The following LRRTM3 variants were observed in gnomAD, a reference collection of about 807,000 sequenced individuals.
LRRTM3 encodes leucine rich repeat transmembrane neuronal 3, also known as leucine-rich repeat transmembrane neuronal protein 3.
LRRTM3 carries 24 observed loss-of-function variants against 44.7 expected under a neutral mutation model. The ratio of observed to expected loss-of-function variants is 0.54; its 90% CI spans 0.39 to 0.76. LRRTM3 has a LOEUF of 0.76. Ranked by LOEUF, LRRTM3 falls within the 30% of genes least tolerant of loss-of-function variation. LRRTM3 has a pLI of 0.00. For missense variants in LRRTM3, 587 were observed against 702.2 expected, an observed-to-expected ratio of 0.84 and a Z score of 1.85; for synonymous variants, 277 against 278.7, an observed-to-expected ratio of 0.99 and a Z score of 0.06.
intron 2 of LRRTM3, among the ~76,000 whole-genome samples, chr10:67,046,214 A>T (rs1854733792): frequency 6.6e-6 from 1 of 152,036 alleles, no homozygotes; most frequent in South Asian, 2.1e-4. Context: ...CAATTTAAAG[A>T]CCCCGTGTCA....
At chr10:67,083,040 G>A (rs1029129800) in intron 2 of LRRTM3, among the ~76,000 whole-genome samples, 2 of 152,140 alleles carry the variant, frequency 1.3e-5, no homozygotes, top group African/African-American at 4.8e-5. Flanking sequence ...AAAAAAGCAG[G>A]TGTTCACCTA....
intron 2 of LRRTM3, among the ~76,000 whole-genome samples, chr10:67,032,527 G>T (rs1304895870): frequency 6.6e-6 from 1 of 152,132 alleles, no homozygotes; most frequent in Non-Finnish European, 1.5e-5. Context: ...CACAAATCAG[G>T]TAAAAATACT....
At chr10:67,076,994 T>A (rs996071665) in intron 2 of LRRTM3, among the ~76,000 whole-genome samples, 1 of 152,162 alleles carries the variant, frequency 6.6e-6, no homozygotes, top group African/African-American at 2.4e-5. Flanking sequence ...ACTTGCATTG[T>A]CTCTTGTTTC....
chr10:67,035,431 A>G (rs1853984472), intron 2 of LRRTM3, among the ~76,000 whole-genome samples: 1 of 152,170 alleles, frequency 6.6e-6, no homozygotes, highest in Non-Finnish European at 1.5e-5. Flanking sequence ...GTTCCTTTGA[A>G]GTTGTTGCTC....
At chr10:67,090,737 C>T (rs1461165708) in intron 2 of LRRTM3, among the ~76,000 whole-genome samples, 1 of 151,970 alleles carries the variant, frequency 6.6e-6, no homozygotes, top group Non-Finnish European at 1.5e-5. Context: ...GTGTCCAGGC[C>T]ACGCATCAAC....
chr10:67,061,979 C>T lies in LRRTM3; in HGVS notation c.1537-35608C>T, dbSNP rs577720944. Among the ~76,000 whole-genome samples the T allele has an allele frequency of 9.3e-4, 142 of 152,184 alleles. 1 individual carries two copies. Among genetic ancestry groups the T allele is most frequent in the African/African-American group, 3.2e-3 (132 of 41,540 alleles). On this transcript the variant is annotated intron_variant, in intron 2 of 2. Coordinates refer to ENST00000361320, the MANE Select transcript of LRRTM3 (RefSeq NM_178011.5). ...AAAAATCAATCTTAGGAAATAGCCACCCACACATTTTTCAACCTACTTCCC... is the reference window on the plus strand; with the variant it reads ...AAAAATCAATCTTAGGAAATAGCCATCCACACATTTTTCAACCTACTTCCC...
At chr10:67,067,826 C>T (rs917681975) in intron 2 of LRRTM3, among the ~76,000 whole-genome samples, 3 of 152,166 alleles carry the variant, frequency 2.0e-5, no homozygotes, top group Non-Finnish European at 4.4e-5. Context: ...ATAAGACATA[C>T]TCTCAGTCTC....
intron 2 of LRRTM3, among the ~76,000 whole-genome samples, chr10:66,941,713 C>T (rs969078731): frequency 2.0e-5 from 3 of 152,114 alleles, no homozygotes; most frequent in Admixed American, 6.5e-5. Flanking sequence ...CCGCACTGCC[C>T]GTGCCAGCCA....
intron 2 of LRRTM3, among the ~76,000 whole-genome samples, chr10:66,997,325 A>G (rs758695291): frequency 9.9e-5 from 15 of 152,202 alleles, no homozygotes; most frequent in Non-Finnish European, 1.9e-4. Context: ...AGCAGGAAAT[A>G]CTTATTACCA....
At chr10:67,073,974 C>G (rs1024418810) in intron 2 of LRRTM3, among the ~76,000 whole-genome samples, 3 of 151,592 alleles carry the variant, frequency 2.0e-5, no homozygotes, top group African/African-American at 7.3e-5. Flanking sequence ...ATATTTATTT[C>G]GCACAGCTAC....
chr10:67,043,004 A>G (rs1854501794), intron 2 of LRRTM3, among the ~76,000 whole-genome samples: 1 of 152,138 alleles, frequency 6.6e-6, no homozygotes, highest in African/African-American at 2.4e-5. Context: ...AACCGGTGGA[A>G]TAGTACAAAA....
At chr10:66,987,955 A>G (rs754199778) in intron 2 of LRRTM3, among the ~76,000 whole-genome samples, 3 of 152,216 alleles carry the variant, frequency 2.0e-5, no homozygotes, top group Non-Finnish European at 2.9e-5. Flanking sequence ...CATTTCTATC[A>G]TAACAAATGT....
intron 2 of LRRTM3, chr10:67,054,954 C>T (rs1212267578): frequency 6.6e-6 from 1 of 151,990 alleles, no homozygotes; most frequent in Non-Finnish European, 1.5e-5. Flanking sequence ...ATGCCAACCC[C>T]CTTAGTTTAT....
chr10:67,051,104 A>T (rs973878714), intron 2 of LRRTM3, among the ~76,000 whole-genome samples: 3 of 152,244 alleles, frequency 2.0e-5, no homozygotes, highest in Non-Finnish European at 4.4e-5. Flanking sequence ...TAAAATAAAG[A>T]CAGAGATACA....
intron 2 of LRRTM3, among the ~76,000 whole-genome samples, chr10:66,973,061 A>G (rs867365950): frequency 6.6e-6 from 1 of 152,224 alleles, no homozygotes; most frequent in Admixed American, 6.5e-5. Context: ...AATACACTTG[A>G]GGAGGGTTAA....
chr10:66,952,794 T>A (rs1848601601), intron 2 of LRRTM3, among the ~76,000 whole-genome samples: 1 of 151,944 alleles, frequency 6.6e-6, no homozygotes, highest in South Asian at 2.1e-4. Context: ...TGTTAAATAT[T>A]TTGAAAATTA....
intron 2 of LRRTM3, among the ~76,000 whole-genome samples, chr10:67,059,926 A>T (rs1001686621): frequency 2.6e-5 from 4 of 152,196 alleles, no homozygotes; most frequent in Non-Finnish European, 4.4e-5. Flanking sequence ...AAAATAGAAG[A>T]CACTGTTTCT....
chr10:66,991,073 C>T (rs568001901), intron 2 of LRRTM3, among the ~76,000 whole-genome samples: 1 of 152,248 alleles, frequency 6.6e-6, no homozygotes, highest in Non-Finnish European at 1.5e-5. Context: ...TGCAGAAGAA[C>T]CTTCAGAAAA....
intron 2 of LRRTM3, among the ~76,000 whole-genome samples, chr10:66,948,413 C>T (rs1220327925): frequency 1.3e-5 from 2 of 152,174 alleles, no homozygotes; most frequent in African/African-American, 2.4e-5. Context: ...GACAAATGCA[C>T]TTGCGTAACA....
Sources: gnomAD v4.1 joint callset for allele counts (sites outside exome capture counted in the v4.1 genomes callset) on GRCh38, gnomAD v4.1.1 for gene constraint, MANE v1.5 for transcripts, NCBI Gene and HGNC (gene_info 2026-07-23, HGNC 2026-07-21) for gene names.